RBFOX3: variants seen among roughly 807,000 people sequenced by gnomAD.
The protein encoded by RBFOX3 is RNA binding fox-1 homolog 3.
In RBFOX3, 17 loss-of-function variants were observed where a neutral mutation model predicts 48.7. The ratio of observed to expected loss-of-function variants is 0.35; its 90% confidence interval spans 0.24 to 0.52. The LOEUF (loss-of-function observed/expected upper bound fraction) is 0.52. Ranked by LOEUF, RBFOX3 falls within the 20% of genes least tolerant of loss-of-function variation. RBFOX3 has a pLI of 0.94. For synonymous variants in RBFOX3, 212 were observed against 209.5 expected (o/e 1.01, Z -0.10); for missense variants, 382 against 497.5 (o/e 0.77, Z 2.21).
intron 1 of RBFOX3, among the ~76,000 whole-genome samples, chr17:79,540,699 G>T (rs11871328): frequency 0.042 from 6,468 of 152,296 alleles, 312 homozygotes; most frequent in African/African-American, 0.12. Flanking sequence ...GCCTGGAGCC[G>T]GTGTGGCCTC....
In RBFOX3 at chr17:79,390,341, G is replaced by A. The variant is rs544963712; in HGVS notation, c.-174-82517C>T. Among the ~76,000 whole-genome samples the A allele has an allele frequency of 7.9e-5, 12 of 152,330 alleles. No homozygotes were observed. Among genetic ancestry groups the A allele is most frequent in the South Asian group, 2.1e-4 (1 of 4,830 alleles). ...TCCACTCTGAGTTTGGCTTTGCCAC[G>A]CTGTGGTTTCATCACGACCATCACG... On this transcript the variant is annotated intron_variant, in intron 2 of 14. Transcript: ENST00000693108. The surrounding 1 kb of genome is among the most constrained non-coding windows in gnomAD (Gnocchi z 4.2).
At chr17:79,583,886 G>A (rs1197009709) in intron 1 of RBFOX3, among the ~76,000 whole-genome samples, 3 of 152,168 alleles carry the variant, frequency 2.0e-5, no homozygotes, top group Admixed American at 2.0e-4. Context: ...AACAGAATGA[G>A]GGCTTTAGGA....
chr17:79,278,364 C>T (rs952913556), intron 3 of RBFOX3, among the ~76,000 whole-genome samples: 1 of 152,240 alleles, frequency 6.6e-6, no homozygotes, highest in Non-Finnish European at 1.5e-5. Context: ...GACCCCGATG[C>T]CAAGCTCTTG....
rs552063165 is a variant in RBFOX3, at chr17:79,206,167, C to G, written c.-34+29599G>C. Among the ~76,000 whole-genome samples the G allele has an allele frequency of 3.0e-4, 46 of 152,296 alleles. 1 individual carries two copies. The highest frequency in any genetic ancestry group is 1.1e-3 in the African/African-American group (45 of 41,558). On this transcript the variant is annotated intron_variant, in intron 4 of 14. Coordinates refer to ENST00000693108, the MANE Select transcript of RBFOX3 (RefSeq NM_001350451.2). Reference sequence around the variant, plus strand: ...ATTTAGAGTCTGGGGCTTTCTGGAACATCCCCTTGAAGATCATGTAAAAGC... The same window carrying G: ...ATTTAGAGTCTGGGGCTTTCTGGAAGATCCCCTTGAAGATCATGTAAAAGC...
At chr17:79,097,668 T>TCCCCCCCCC in intron 10 of RBFOX3, 24 bp downstream of exon 10, 1 of 1,010,930 alleles carries the variant, frequency 9.9e-7, no homozygotes, top group Non-Finnish European at 1.4e-6. Flanking sequence ...TCTCATCCCA[T>TCCCCCCCCC]CCCCGCCCCG....
At chr17:79,377,710 G>A (rs570036550) in intron 2 of RBFOX3, among the ~76,000 whole-genome samples, 9 of 152,272 alleles carry the variant, frequency 5.9e-5, no homozygotes, top group Admixed American at 3.9e-4. Context: ...ACCGCTTGGG[G>A]TCCTTTATTT....
chr17:79,598,862 TC>T (rs1237990955), intron 1 of RBFOX3: 3 of 152,116 alleles, frequency 2.0e-5, no homozygotes, highest in Non-Finnish European at 4.4e-5. Context: ...GCAGCCCGTG[TC>T]CCCAGAATCT....
At chr17:79,404,398 C>T (rs1427716037) in intron 2 of RBFOX3, among the ~76,000 whole-genome samples, 1 of 152,226 alleles carries the variant, frequency 6.6e-6, no homozygotes, top group Non-Finnish European at 1.5e-5. Flanking sequence ...GAGCACGTGT[C>T]AAGGAGTCCC....
chr17:79,578,038 GT>G (rs2092920982), intron 1 of RBFOX3, among the ~76,000 whole-genome samples: 1 of 152,254 alleles, frequency 6.6e-6, no homozygotes, highest in Non-Finnish European at 1.5e-5. Context: ...TGGCCCCAGA[GT>G]GTCCTCACTT....
chr17:79,464,405 G>T (rs2076045199), intron 2 of RBFOX3, among the ~76,000 whole-genome samples: 1 of 152,248 alleles, frequency 6.6e-6, no homozygotes, highest in South Asian at 2.1e-4. Flanking sequence ...ACTTGGGGAG[G>T]ATGCCCATCA....
intron 3 of RBFOX3, among the ~76,000 whole-genome samples, chr17:79,259,646 T>C (rs1437649264): frequency 6.6e-6 from 1 of 152,122 alleles, no homozygotes; most frequent in Non-Finnish European, 1.5e-5. Context: ...GGGAGGGGGC[T>C]GAGAGCAGGG....
intron 2 of RBFOX3, among the ~76,000 whole-genome samples, chr17:79,345,333 A>G (rs528366255): frequency 1.8e-4 from 27 of 152,194 alleles, no homozygotes; most frequent in African/African-American, 5.8e-4. Context: ...CATTACTGAG[A>G]TTGGTAATTT....
At chr17:79,383,031 A>ACACACACACACAC (rs2060118021) in intron 2 of RBFOX3, among the ~76,000 whole-genome samples, 2 of 141,302 alleles carry the variant, frequency 1.4e-5, no homozygotes, top group African/African-American at 5.6e-5. Flanking sequence ...CTGCCTCTCA[A>ACACACACACACAC]ACACACACAC....
At position 79,528,095 on chromosome 17, in the gene RBFOX3, G is replaced by A. The variant is rs949719636; in HGVS notation, c.-319-45497C>T. ...TGAAACCCTGAGGTATCTCTGAGGA[G>A]AATCTTAGTTGAACCTCTGAGGTAT... On this transcript the variant is annotated intron_variant, in intron 1 of 14. Coordinates refer to ENST00000693108, the MANE Select transcript of RBFOX3 (RefSeq NM_001350451.2). 3.3e-5 allele frequency among the ~76,000 whole-genome samples: 5 copies of A among 151,550 alleles called. No individual in the cohort carries two copies. In the South Asian group the frequency reaches 1.0e-3, roughly 31 times the overall value.
Position 79,555,390 on chromosome 17 carries a change from G to A in RBFOX3, c.-320+55436C>T, listed in dbSNP as rs1481320890. ...TGATGATGGTAGTTGTGGTGGTGGT[G>A]ATGGTGGTGATGATGGTAGTTGTGG... On this transcript the variant is annotated intron_variant, in intron 1 of 14. Coordinates refer to ENST00000693108, the MANE Select transcript of RBFOX3 (RefSeq NM_001350451.2). 1.1e-4 allele frequency among the ~76,000 whole-genome samples: 13 copies of A among 117,970 alleles called. No homozygotes were observed. In the East Asian group the frequency reaches 3.7e-3, roughly 33 times the overall value. The allele number at this position is 117,970 out of a possible 152,430, so 77.4% of individuals were successfully genotyped here.
At chr17:79,289,337 G>T (rs916457294) in intron 3 of RBFOX3, among the ~76,000 whole-genome samples, 8 of 152,184 alleles carry the variant, frequency 5.3e-5, no homozygotes, top group Admixed American at 1.3e-4. Context: ...GCCTGTTTCT[G>T]CCCCGGCCCT....
At chr17:79,277,079 T>C (rs912597063) in intron 3 of RBFOX3, among the ~76,000 whole-genome samples, 2 of 152,214 alleles carry the variant, frequency 1.3e-5, no homozygotes, top group African/African-American at 4.8e-5. Flanking sequence ...GGAAGGTCGG[T>C]GGGTGACACT....
At chr17:79,639,640 CA>C in the RBFOX3 span, among the ~76,000 whole-genome samples, 3 of 152,158 alleles carry the variant, frequency 2.0e-5, no homozygotes, top group Admixed American at 6.5e-5. Context: ...AAGGATTATA[CA>C]TTATGACCAA....
At chr17:79,476,221 C>T (rs1210769150) in intron 2 of RBFOX3, among the ~76,000 whole-genome samples, 1 of 152,230 alleles carries the variant, frequency 6.6e-6, no homozygotes, top group African/African-American at 2.4e-5. Context: ...GTTCTTAATG[C>T]TTTAACACAC....
Sources: gnomAD v4.1 joint callset for allele counts (sites outside exome capture counted in the v4.1 genomes callset) on GRCh38, gnomAD v4.1.1 for gene constraint, Gnocchi (gnomAD v3.1) non-coding constraint, MANE v1.5 for transcripts, NCBI Gene and HGNC (gene_info 2026-07-23, HGNC 2026-07-21) for gene names.